Variants in RICTOR observed in about 807,000 individuals in gnomAD.
The protein encoded by RICTOR is RPTOR independent companion of MTOR complex 2, also known as rapamycin-insensitive companion of mTOR.
A neutral mutation model predicts 214.9 loss-of-function variants in RICTOR; 49 were observed. The observed-to-expected ratio is 0.23, with a 90% confidence interval of 0.18 to 0.29. RICTOR has a LOEUF of 0.29. Among genes scored for constraint, RICTOR ranks in the 10% least tolerant of loss-of-function variants. RICTOR has a pLI of 1.00. For missense variants in RICTOR, 1,625 were observed against 2,047.0 expected (o/e 0.79, Z 3.98); for synonymous variants, 717 against 711.3 (o/e 1.01, Z -0.13).
chr5:39,016,731 C>A (rs1037653590), intron 3 of RICTOR, among the ~76,000 whole-genome samples: 33 of 152,196 alleles, frequency 2.2e-4, no homozygotes, highest in African/African-American at 7.7e-4. Flanking sequence ...GGCTTTTAAG[C>A]CACTCCTGTT....
At chr5:39,041,813 T>A (rs908871679) in intron 2 of RICTOR, among the ~76,000 whole-genome samples, 5 of 151,942 alleles carry the variant, frequency 3.3e-5, no homozygotes. Flanking sequence ...AACACTTATA[T>A]TAGTCAGGCA....
At chr5:39,041,856 C>T (rs933124796) in intron 2 of RICTOR, among the ~76,000 whole-genome samples, 4 of 150,952 alleles carry the variant, frequency 2.6e-5, no homozygotes, top group South Asian at 2.1e-4. Flanking sequence ...TAGGCGGATC[C>T]CTACAGCCTG....
intron 5 of RICTOR, among the ~76,000 whole-genome samples, chr5:38,999,043 A>AAAAAAAAAAAAAAAAAC (rs1561514547): frequency 7.0e-6 from 1 of 143,034 alleles, no homozygotes; most frequent in African/African-American, 2.6e-5. Flanking sequence ...AAAAAAAAAA[A>AAAAAAAAAAAAAAAAAC]AAAAAAAACA....
At chr5:38,954,721 TTG>T in intron 27 of RICTOR, 51 bp downstream of exon 27, 3 of 1,103,618 alleles carry the variant, frequency 2.7e-6, no homozygotes, top group Middle Eastern at 2.2e-4. Flanking sequence ...TGTTAAGATT[TTG>T]TTTTTTTTTT....
chr5:38,968,480 A>AC (rs978440535), intron 11 of RICTOR, among the ~76,000 whole-genome samples: 13 of 148,736 alleles, frequency 8.7e-5, no homozygotes, highest in South Asian at 4.2e-4. Context: ...AAAAAACAAA[A>AC]CAAAAAAAAA....
chr5:38,949,265 C>T (rs1347461950), intron 31 of RICTOR: 4 of 778,882 alleles, frequency 5.1e-6, no homozygotes, highest in Non-Finnish European at 7.8e-6. Flanking sequence ...ATCACAGCTA[C>T]TTAAAGTGAA....
chr5:38,996,728 T>C, intron 6 of RICTOR, 91 bp downstream of exon 6: 1 of 745,486 alleles, frequency 1.3e-6, no homozygotes, highest in Non-Finnish European at 2.3e-6. Context: ...TCTTTAATCT[T>C]AATAAAGATT....
At chr5:38,980,326 A>G (rs1174422875) in intron 8 of RICTOR, among the ~76,000 whole-genome samples, 1 of 152,132 alleles carries the variant, frequency 6.6e-6, no homozygotes, top group East Asian at 1.9e-4. Context: ...TGCACTTTAT[A>G]AAAGACTCCA....
rs144553423 is a variant in RICTOR, at chr5:38,998,876, C to T, written c.393-1994G>A. Among the ~76,000 whole-genome samples the T allele has an allele frequency of 7.4e-4, 112 of 151,528 alleles. 2 individuals carry two copies. The East Asian group carries it at 0.021, about 29-fold the overall frequency. Reference sequence around the variant, plus strand: ...CTAAAATAGAAAAAAATTAGCCAGGCGTGGTGGTGCGCACCCGCAGTCCCA... The same window carrying T: ...CTAAAATAGAAAAAAATTAGCCAGGTGTGGTGGTGCGCACCCGCAGTCCCA... On this transcript the variant is annotated intron_variant, in intron 5 of 37. Transcript: ENST00000357387.
At chr5:39,047,004 T>C (rs1176790667) in intron 2 of RICTOR, among the ~76,000 whole-genome samples, 2 of 152,208 alleles carry the variant, frequency 1.3e-5, no homozygotes, top group Non-Finnish European at 2.9e-5. Flanking sequence ...TCAGTCTGTA[T>C]GTTTTGTGGT....
At chr5:39,060,231 G>A (rs1758451303) in intron 2 of RICTOR, among the ~76,000 whole-genome samples, 1 of 152,018 alleles carries the variant, frequency 6.6e-6, no homozygotes, top group African/African-American at 2.4e-5. Context: ...TCAAATGTAA[G>A]CACTCCAAAA....
chr5:39,016,304 A>G (rs1218310365), intron 3 of RICTOR, among the ~76,000 whole-genome samples: 2 of 147,866 alleles, frequency 1.4e-5, no homozygotes, highest in Non-Finnish European at 3.0e-5. Context: ...GGTACAACGG[A>G]GAAAAGGAAG....
intron 3 of RICTOR, among the ~76,000 whole-genome samples, chr5:39,012,070 C>T (rs1467693712): frequency 6.6e-6 from 1 of 152,036 alleles, no homozygotes; most frequent in Non-Finnish European, 1.5e-5. Flanking sequence ...TGTAATAATC[C>T]CCATGTGTCA....
At chr5:39,058,861 G>C (rs191770216) in intron 2 of RICTOR, among the ~76,000 whole-genome samples, 1 of 151,758 alleles carries the variant, frequency 6.6e-6, no homozygotes, top group Non-Finnish European at 1.5e-5. Flanking sequence ...CTGTAGTTTT[G>C]AAGTCTTTAT....
intron 2 of RICTOR, among the ~76,000 whole-genome samples, chr5:39,047,697 C>T (rs925968607): frequency 1.3e-5 from 2 of 152,190 alleles, no homozygotes; most frequent in African/African-American, 2.4e-5. Flanking sequence ...TCAGGCTTTG[C>T]TGTATGAAAT....
intron 25 of RICTOR, among the ~76,000 whole-genome samples, chr5:38,956,295 C>T (rs766549339): frequency 2.8e-4 from 42 of 152,060 alleles, no homozygotes; most frequent in Non-Finnish European, 4.3e-4. Context: ...TAAAGCACAA[C>T]TCTGATCACT....
At chr5:39,059,826 C>A (rs115434376) in intron 2 of RICTOR, among the ~76,000 whole-genome samples, 1 of 152,128 alleles carries the variant, frequency 6.6e-6, no homozygotes, top group East Asian at 1.9e-4. Flanking sequence ...TATTTCTTTA[C>A]ATCTATGTGC....
chr5:39,019,268 T>C (rs1445102045), intron 3 of RICTOR, among the ~76,000 whole-genome samples: 2 of 152,156 alleles, frequency 1.3e-5, no homozygotes, highest in African/African-American at 4.8e-5. Flanking sequence ...CCAAGGTAGC[T>C]ACACTAAACA....
At chr5:39,061,151 C>T (rs1389201084) in intron 2 of RICTOR, among the ~76,000 whole-genome samples, 1 of 152,054 alleles carries the variant, frequency 6.6e-6, no homozygotes, top group African/African-American at 2.4e-5. Flanking sequence ...TCAATAAATA[C>T]TTGGTGAGTG....
Sources: allele counts gnomAD v4.1 joint callset (sites outside exome capture counted in the v4.1 genomes callset), GRCh38; gene constraint gnomAD v4.1.1; transcripts MANE v1.5; gene names NCBI Gene and HGNC (gene_info 2026-07-23, HGNC 2026-07-21).